HAUS3: variants seen among roughly 807,000 people sequenced by gnomAD.
The protein encoded by HAUS3 is HAUS augmin like complex subunit 3.
In HAUS3, 36 loss-of-function variants were observed where a neutral mutation model predicts 55.2. The ratio of observed to expected loss-of-function variants is 0.65; its 90% CI spans 0.50 to 0.86. HAUS3 has a LOEUF of 0.86. Ranked by LOEUF, HAUS3 falls within the 40% of genes least tolerant of loss-of-function variation. HAUS3 has a pLI of 0.00. For synonymous variants in HAUS3, 234 were observed against 238.6 expected, an observed-to-expected ratio of 0.98 and a Z score of 0.18; for missense variants, 752 against 671.5, an observed-to-expected ratio of 1.12 and a Z score of -1.33.
Position 2,241,091 on chromosome 4 carries a change from C to T in HAUS3, c.-145G>A. On this transcript the variant is annotated splice_region_variant and 5_prime_UTR_variant, in exon 3 of 6. Coordinates refer to ENST00000443786, the MANE Select transcript of HAUS3 (RefSeq NM_001303143.2). The stretch of plus-strand genomic sequence containing the variant: ...ATATTTTTAGAATCTATAATGATTC[C>T]TCCTAGGGGGGAAGAAAACAAGTAT... 1 of 615,140 alleles carries T rather than the reference C, an allele frequency of 1.6e-6. No individual in the cohort carries two copies. Among genetic ancestry groups the T allele is most frequent in the Admixed American group, 3.5e-5 (1 of 28,726 alleles). The allele number at this position is 615,140 out of a possible 1,614,324, so 38.1% of individuals were successfully genotyped here. A position where few individuals can be genotyped will look rare whatever the true frequency, so the allele number is the denominator to read the frequency against.
chr4:2,241,086 G>A lies in HAUS3; in HGVS notation c.-140C>T. On this transcript the variant is annotated 5_prime_UTR_variant, in exon 3 of 6. Coordinates refer to ENST00000443786, the MANE Select transcript of HAUS3 (RefSeq NM_001303143.2). ...AAAATATATTTTTAGAATCTATAAT[G>A]ATTCCTCCTAGGGGGGAAGAAAACA... The A allele has an allele frequency of 1.5e-6, 1 of 647,920 alleles. No individual in the cohort carries two copies. The highest frequency in any genetic ancestry group is 2.1e-5 in the South Asian group (1 of 48,400). 40.1% of individuals were successfully genotyped at this position (647,920 alleles called of 1,614,324 possible).
chr4:2,229,855 A>C lies in HAUS3; in HGVS notation c.*2072T>G, dbSNP rs1476000972. 1 of 152,176 alleles carries C rather than the reference A, an allele frequency of 6.6e-6. No individual in the cohort carries two copies. Among genetic ancestry groups the C allele is most frequent in the African/African-American group, 2.4e-5 (1 of 41,400 alleles). 9.4% of individuals were successfully genotyped at this position (152,176 alleles called of 1,614,324 possible). ...TAAAAAATAAATAAATAAATAAATAAATCTTCAAATAAACCTACCTAGTAA... is the reference window on the plus strand; with the variant it reads ...TAAAAAATAAATAAATAAATAAATACATCTTCAAATAAACCTACCTAGTAA... On this transcript the variant is annotated 3_prime_UTR_variant, in exon 6 of 6. Transcript: ENST00000443786.
At chr4:2,241,829 G>A in intron 1 of HAUS3, 39 bp from the exon 2 acceptor site, 5 of 985,396 alleles carry the variant, frequency 5.1e-6, no homozygotes, top group Non-Finnish European at 6.0e-6. Flanking sequence ...AATCGCCGTC[G>A]ACACCGAGCT....
At position 2,229,257 on chromosome 4, in the gene HAUS3, T is replaced by C. The variant is rs1328900998; in HGVS notation, c.*2670A>G. 2 of 1,560,024 alleles carry C rather than the reference T, an allele frequency of 1.3e-6. No homozygotes were observed. The highest frequency in any genetic ancestry group is 1.2e-5 in the South Asian group (1 of 85,152). On this transcript the variant is annotated 3_prime_UTR_variant, in exon 6 of 6. Transcript: ENST00000443786. ...TTTCACAAAATCCTAAATGTAAGAT[T>C]AACATAAGATAAATCCCATATATTA...
Position 2,240,846 on chromosome 4 carries a change from A to G in HAUS3, c.101T>C (p.Val34Ala). The change falls in exon 3 of 6, where the codon GTT becomes GCT. Residue 34 changes from valine to alanine, a missense_variant. By Grantham distance (64) the Val-to-Ala change is moderately conservative. Transcript: ENST00000443786. ...CCACTTCAGAAACGATTCATCTTCA[A>G]CGCCCTCAAACAACCAGTCAAAGTC... ...GEDFDWLFEG[V>A]EDESFLKWFC... 1 of 1,613,444 alleles carries G rather than the reference A, an allele frequency of 6.2e-7. No individual in the cohort carries two copies. Among genetic ancestry groups the G allele is most frequent in the Non-Finnish European group, 8.5e-7 (1 of 1,179,992 alleles).
Position 2,238,746 on chromosome 4 carries a change from GAT to G in HAUS3, c.1205_1206del (p.Tyr402SerfsTer4). ...EIELRKHRDI[Y>X]RQLENLVQEL... ...TCTTGAACCAAATTTTCAAGTTGACGATATATGTCCCGATGCTTTCTTAATTC... is the reference window on the plus strand; with the variant it reads ...TCTTGAACCAAATTTTCAAGTTGACGATATGTCCCGATGCTTTCTTAATTC... On this transcript the variant is annotated frameshift_variant, in exon 4 of 6. Coordinates refer to ENST00000443786, the MANE Select transcript of HAUS3 (RefSeq NM_001303143.2). LOFTEE classifies it high-confidence loss of function. The G allele has an allele frequency of 6.2e-7, 1 of 1,613,704 alleles. No homozygotes were observed. Among genetic ancestry groups the G allele is most frequent in the Non-Finnish European group, 8.5e-7 (1 of 1,179,786 alleles).
Position 2,231,774 on chromosome 4 carries a change from C to T in HAUS3, c.*153G>A, listed in dbSNP as rs1577792351. On this transcript the variant is annotated 3_prime_UTR_variant, in exon 6 of 6. Transcript: ENST00000443786. Reference sequence around the variant, plus strand: ...AAGCACTGGTATTCTGAATGTACTACATGAGAAAAAAGACAAATTAATATA... The same window carrying T: ...AAGCACTGGTATTCTGAATGTACTATATGAGAAAAAAGACAAATTAATATA... 2 of 536,734 alleles carry T rather than the reference C, an allele frequency of 3.7e-6. No homozygotes were observed. The highest frequency in any genetic ancestry group is 4.9e-4 in the Middle Eastern group (1 of 2,042). 33.2% of individuals were successfully genotyped at this position (536,734 alleles called of 1,614,324 possible).
At position 2,242,096 on chromosome 4, in the gene HAUS3, C is replaced by G; in HGVS notation, c.-464G>C. The stretch of plus-strand genomic sequence containing the variant: ...TCTCGCAGGAGCCCGCCGCCACCGC[C>G]CTCCGTGCCCCGCGCGCCTCGCACT... On this transcript the variant is annotated 5_prime_UTR_variant, in exon 1 of 6. Transcript: ENST00000443786. The G allele has an allele frequency of 1.0e-6, 1 of 985,890 alleles. No individual in the cohort carries two copies. Among genetic ancestry groups the G allele is most frequent in the Non-Finnish European group, 1.2e-6 (1 of 830,264 alleles). 61.1% of individuals were successfully genotyped at this position (985,890 alleles called of 1,614,324 possible). A position where few individuals can be genotyped will look rare whatever the true frequency, so the allele number is the denominator to read the frequency against.
rs746775535 is a variant in HAUS3, at chr4:2,240,144, G to A, written c.803C>T (p.Ala268Val). 6.2e-7 allele frequency: 1 copy of A among 1,613,716 alleles called. No homozygotes were observed. Among genetic ancestry groups the A allele is most frequent in the South Asian group, 1.1e-5 (1 of 91,050 alleles). The part of the protein sequence containing the change: ...RRLEMARLQL[A>V]YICAQHQLIH... Reference sequence around the variant, plus strand: ...TAACTGATGTTGAGCACAAATGTATGCGAGCTGCAGTCTAGCCATCTCTAG... The same window carrying A: ...TAACTGATGTTGAGCACAAATGTATACGAGCTGCAGTCTAGCCATCTCTAG... The change falls in exon 3 of 6, where the codon GCA (alanine) becomes GTA (valine). Residue 268 changes from alanine (A) to valine (V), a missense_variant. Physicochemically the swap from Ala to Val is moderately conservative, Grantham distance 64 (BLOSUM62 0). Transcript: ENST00000443786.
rs1390780733 is a variant in HAUS3, at chr4:2,230,590, A to C, written c.*1337T>G. ...ATAACATAAACACAATAATTGGCAAAATATTTTTGTTCAATGGGTTTCAAA... is the reference window on the plus strand; with the variant it reads ...ATAACATAAACACAATAATTGGCAACATATTTTTGTTCAATGGGTTTCAAA... On this transcript the variant is annotated 3_prime_UTR_variant, in exon 6 of 6. Transcript: ENST00000443786. 1 of 152,070 alleles carries C rather than the reference A, an allele frequency of 6.6e-6. No individual in the cohort carries two copies. Among genetic ancestry groups the C allele is most frequent in the Non-Finnish European group, 1.5e-5 (1 of 68,032 alleles). The allele number at this position is 152,070 out of a possible 1,614,324, so 9.4% of individuals were successfully genotyped here.
At chr4:2,232,778 T>C (rs763293627) in intron 5 of HAUS3, among the ~76,000 whole-genome samples, 27 of 152,338 alleles carry the variant, frequency 1.8e-4, no homozygotes, top group Admixed American at 5.9e-4. Flanking sequence ...TTCCTCAGTG[T>C]CTAGCATTTA....
At position 2,228,782 on chromosome 4, in the gene HAUS3, C is replaced by T. The variant is rs757641909; in HGVS notation, c.*3145G>A. On this transcript the variant is annotated 3_prime_UTR_variant, in exon 6 of 6. Transcript: ENST00000443786. ...TGTTCACCACACAAAATAGCAAATA[C>T]TATGTACAGGTTTGATGACCTGAGA... is the stretch of plus-strand genomic sequence containing the variant. 5.0e-5 allele frequency: 12 copies of T among 241,490 alleles called. No homozygotes were observed. Among genetic ancestry groups the T allele is most frequent in the Non-Finnish European group, 9.6e-5 (12 of 125,016 alleles). The allele number at this position is 241,490 out of a possible 1,614,324, so 15.0% of individuals were successfully genotyped here. A position where few individuals can be genotyped will look rare whatever the true frequency, so the allele number is the denominator to read the frequency against.
At chr4:2,239,744 C>G (rs1734902686) in intron 3 of HAUS3, among the ~76,000 whole-genome samples, 1 of 152,166 alleles carries the variant, frequency 6.6e-6, no homozygotes, top group South Asian at 2.1e-4. Flanking sequence ...AAATCTCAGT[C>G]CAGTCTGTAT....
Position 2,238,870 on chromosome 4 carries a change from A to T in HAUS3, c.1083T>A (p.Ala361=). The part of the protein sequence containing the change: ...VVKGDFDLQI[A]KQDYYTARQE... ...GTCTTGCTGTATAATAATCTTGTTT[A>T]GCAATCTGCAGATCAAAATCTCCCT... Residue 361 remains alanine (A), a synonymous_variant, in exon 4 of 6, where the codon GCT becomes GCA. Transcript: ENST00000443786. 1 of 1,613,286 alleles carries T rather than the reference A, an allele frequency of 6.2e-7. No homozygotes were observed. Among genetic ancestry groups the T allele is most frequent in the Non-Finnish European group, 8.5e-7 (1 of 1,179,636 alleles).
Position 2,238,708 on chromosome 4 carries a change from A to T in HAUS3, c.1245T>A (p.Ser415Arg). 1 of 1,613,340 alleles carries T rather than the reference A, an allele frequency of 6.2e-7. No homozygotes were observed. The highest frequency in any genetic ancestry group is 8.5e-7 in the Non-Finnish European group (1 of 1,179,382). The stretch of plus-strand genomic sequence containing the variant: ...CTAATTGCTTGTAGAGCATCATGTT[A>T]CTTTGACTAAGTTCTTGAACCAAAT... The part of the protein sequence containing the change: ...LENLVQELSQ[S>R]NMMLYKQLEM... The change falls in exon 4 of 6, where the codon AGT becomes AGA. Residue 415 changes from serine (S) to arginine (R), a missense_variant. Ser to Arg is a moderately radical substitution (Grantham distance 110). Transcript: ENST00000443786.
Position 2,228,989 on chromosome 4 carries a change from C to T in HAUS3, c.*2938G>A, listed in dbSNP as rs1379975252. On this transcript the variant is annotated 3_prime_UTR_variant, in exon 6 of 6. Coordinates refer to ENST00000443786, the MANE Select transcript of HAUS3 (RefSeq NM_001303143.2). ...CTGCACTGAATGAGTGTAAAAGGGG[C>T]GGGAGCTGGGCTTCATCTGTCTACA... 8.4e-6 allele frequency: 9 copies of T among 1,074,932 alleles called. No individual in the cohort carries two copies. The highest frequency in any genetic ancestry group is 3.3e-5 in the African/African-American group (2 of 61,186). 66.6% of individuals were successfully genotyped at this position (1,074,932 alleles called of 1,614,324 possible).
Position 2,240,889 on chromosome 4 carries a change from C to G in HAUS3, c.58G>C (p.Asp20His). The change falls in exon 3 of 6, where the codon GAT becomes CAT. Residue 20 changes from aspartate to histidine, a missense_variant. Coordinates refer to ENST00000443786, the MANE Select transcript of HAUS3 (RefSeq NM_001303143.2). Reference protein sequence around the residue: ...TLKKIGYPKADNLNGEDFDWL... With the variant: ...TLKKIGYPKAHNLNGEDFDWL... ...TCAAAGTCTTCTCCATTAAGATTAT[C>G]AGCTTTGGGATAACCAATTTTTTTT... The G allele has an allele frequency of 1.2e-6, 2 of 1,608,212 alleles. No homozygotes were observed. Among genetic ancestry groups the G allele is most frequent in the African/African-American group, 1.3e-5 (1 of 74,880 alleles).
Position 2,229,255 on chromosome 4 carries a change from A to G in HAUS3, c.*2672T>C, listed in dbSNP as rs370635645. 2.5e-6 allele frequency: 4 copies of G among 1,574,652 alleles called. No individual in the cohort carries two copies. The highest frequency in any genetic ancestry group is 3.5e-6 in the Non-Finnish European group (4 of 1,157,158). Reference sequence around the variant, plus strand: ...ATTTTCACAAAATCCTAAATGTAAGATTAACATAAGATAAATCCCATATAT... The same window carrying G: ...ATTTTCACAAAATCCTAAATGTAAGGTTAACATAAGATAAATCCCATATAT... On this transcript the variant is annotated 3_prime_UTR_variant, in exon 6 of 6. Transcript: ENST00000443786.
Position 2,238,962 on chromosome 4 carries a change from T to C in HAUS3, c.991A>G (p.Ile331Val), listed in dbSNP as rs1734870961. The C allele has an allele frequency of 1.3e-6, 2 of 1,593,128 alleles. No individual in the cohort carries two copies. The highest frequency in any genetic ancestry group is 1.7e-6 in the Non-Finnish European group (2 of 1,173,282). ...ACAGCAGGTAAACTTCTGTCTTTTA[T>C]TTGAGTGACCTCTTTTTCAAGTTTC... ...IMKLEKEVTQ[I>V]KDRSLPAVVR... The change falls in exon 4 of 6, where the codon ATA (isoleucine) becomes GTA (valine). Residue 331 changes from isoleucine to valine, a missense_variant. By Grantham distance (29) the Ile-to-Val change is conservative (BLOSUM62 3). Coordinates refer to ENST00000443786, the MANE Select transcript of HAUS3 (RefSeq NM_001303143.2).
Sources: allele counts gnomAD v4.1 joint callset (sites outside exome capture counted in the v4.1 genomes callset), GRCh38; gene constraint gnomAD v4.1.1; transcripts MANE v1.5; gene names NCBI Gene and HGNC (gene_info 2026-07-23, HGNC 2026-07-21).